The following FER1L6 variants were observed in gnomAD, a reference collection of about 807,000 sequenced individuals.
FER1L6 encodes fer-1 like family member 6.
Under a neutral mutation model 219.2 loss-of-function variants are expected in FER1L6, and 177 were observed. That is an observed-to-expected ratio of 0.81 (90% CI 0.71 to 0.91). The LOEUF is 0.91. Ranked by LOEUF, FER1L6 falls within the 40% of genes least tolerant of loss-of-function variation. FER1L6 has a pLI of 0.00. For missense variants in FER1L6, 2,153 were observed against 2,259.9 expected, an observed-to-expected ratio of 0.95 and a Z score of 0.96; for synonymous variants, 768 against 824.3, an observed-to-expected ratio of 0.93 and a Z score of 1.17.
chr8:123,912,378 C>T (rs1294863029), intron 1 of FER1L6, among the ~76,000 whole-genome samples: 1 of 152,134 alleles, frequency 6.6e-6, no homozygotes, highest in East Asian at 1.9e-4. Context: ...TTTGTAACCA[C>T]CACATACACC....
intron 6 of FER1L6, among the ~76,000 whole-genome samples, chr8:123,970,674 TGA>T (rs1815763819): frequency 6.6e-6 from 1 of 151,100 alleles, no homozygotes; most frequent in Non-Finnish European, 1.5e-5. Flanking sequence ...CTTGGGAAAT[TGA>T]GTCTGCTGCA....
intron 18 of FER1L6, among the ~76,000 whole-genome samples, 178 bp downstream of exon 18, chr8:124,023,774 G>A (rs998666707): frequency 2.6e-5 from 4 of 152,068 alleles, no homozygotes; most frequent in Admixed American, 2.6e-4. Context: ...CCACCTTTAG[G>A]TGGAATTTTT....
intron 32 of FER1L6, among the ~76,000 whole-genome samples, chr8:124,077,059 CCTGT>C (rs1326599328): frequency 1.3e-5 from 2 of 152,180 alleles, no homozygotes; most frequent in Non-Finnish European, 2.9e-5. Flanking sequence ...AGTTTGTGCA[CCTGT>C]CTGTCATTCA....
chr8:123,868,581 C>T (rs964991226), intron 1 of FER1L6, among the ~76,000 whole-genome samples: 1 of 152,108 alleles, frequency 6.6e-6, no homozygotes, highest in Admixed American at 6.6e-5. Context: ...TTTCTGCTGC[C>T]TGCTCACACT....
At chr8:123,985,365 T>C (rs902792819) in intron 11 of FER1L6, 3 of 152,404 alleles carry the variant, frequency 2.0e-5, no homozygotes, top group African/African-American at 7.2e-5. Context: ...ATACATATGA[T>C]TGCCCAATGC....
chr8:123,994,414 C>T (rs1235406484), intron 12 of FER1L6, among the ~76,000 whole-genome samples: 1 of 152,152 alleles, frequency 6.6e-6, no homozygotes, highest in Admixed American at 6.5e-5. Flanking sequence ...AGCACAGCTG[C>T]CTTTTCTGTA....
intron 20 of FER1L6, among the ~76,000 whole-genome samples, chr8:124,042,531 T>C (rs926455245): frequency 2.0e-5 from 3 of 152,230 alleles, no homozygotes; most frequent in African/African-American, 7.2e-5. Flanking sequence ...CCCAGGTTTG[T>C]CCAATTCCAG....
Position 124,070,579 on chromosome 8 carries a change from G to T in FER1L6, c.3947G>T (p.Arg1316Leu), listed in dbSNP as rs770709548. 6.3e-7 allele frequency: 1 copy of T among 1,588,480 alleles called. No homozygotes were observed. Among genetic ancestry groups the T allele is most frequent in the Non-Finnish European group, 8.5e-7 (1 of 1,171,464 alleles). The change falls in exon 30 of 41, where the codon CGA becomes CTA. Residue 1316 changes from arginine (R) to leucine (L), a missense_variant. Physicochemically the swap from Arg to Leu is moderately radical, Grantham distance 102. Transcript: ENST00000522917. The part of the protein sequence containing the change: ...TEDDHGLDGD[R>L]VIGKFKGSFC... Reference sequence around the variant, plus strand: ...GATGACCATGGTCTTGATGGAGACCGAGTCATAGGAAAATTTAAGGCAGGT... The same window carrying T: ...GATGACCATGGTCTTGATGGAGACCTAGTCATAGGAAAATTTAAGGCAGGT...
chr8:123,923,903 G>A (rs897243041), intron 1 of FER1L6, among the ~76,000 whole-genome samples: 6 of 138,642 alleles, frequency 4.3e-5, no homozygotes, highest in Admixed American at 7.9e-5. Context: ...TCACGCCCCC[G>A]CGCTCCAGCC....
In FER1L6 at chr8:123,980,329, G is replaced by A. The variant is rs557835454; in HGVS notation, c.1064-136G>A. The A allele has an allele frequency of 6.5e-5, 46 of 705,906 alleles. No individual in the cohort carries two copies. In the African/African-American group the frequency reaches 6.6e-4, roughly 10 times the overall value. The allele number at this position is 705,906 out of a possible 1,614,324, so 43.7% of individuals were successfully genotyped here. A position where few individuals can be genotyped will look rare whatever the true frequency, so the allele number is the denominator to read the frequency against. ...AAGGAAATATGGCAAGATGGCAATC[G>A]TTGTCTTTTGGTCATGGGATATCCT... On this transcript the variant is annotated intron_variant, in intron 10 of 40. Transcript: ENST00000522917.
intron 22 of FER1L6, among the ~76,000 whole-genome samples, chr8:124,055,177 G>C (rs1178848867): frequency 1.3e-5 from 2 of 152,224 alleles, no homozygotes; most frequent in South Asian, 4.1e-4. Context: ...GGTGGTTCAC[G>C]CCTGTAATCC....
chr8:123,934,396 G>A (rs1813902083), intron 1 of FER1L6, among the ~76,000 whole-genome samples: 1 of 117,866 alleles, frequency 8.5e-6, no homozygotes, highest in South Asian at 3.0e-4. Flanking sequence ...ATACAGGGCA[G>A]TTCTCCCAGT....
At chr8:123,856,346 A>ATG (rs1211333592) in intron 1 of FER1L6, among the ~76,000 whole-genome samples, 2 of 131,140 alleles carry the variant, frequency 1.5e-5, no homozygotes, top group Non-Finnish European at 3.2e-5. Flanking sequence ...ATATATATAT[A>ATG]TATTAGGGTC....
intron 13 of FER1L6, 102 bp from the exon 14 acceptor site, chr8:124,010,492 C>T: frequency 2.1e-6 from 3 of 1,397,972 alleles, no homozygotes; most frequent in Admixed American, 2.2e-5. Flanking sequence ...TTCATCATGC[C>T]TCCCGAGTCC....
chr8:124,036,146 C>T (rs1194675422), intron 19 of FER1L6: 1 of 152,174 alleles, frequency 6.6e-6, no homozygotes, highest in East Asian at 1.9e-4. Context: ...GTTTTACCTT[C>T]ATTTCTGCTG....
At chr8:123,976,736 C>A (rs115885443) in intron 9 of FER1L6, among the ~76,000 whole-genome samples, 1,528 of 152,292 alleles carry the variant, frequency 0.01, 23 homozygotes, top group African/African-American at 0.035. Flanking sequence ...ACAATCTCCC[C>A]AGGTAGTCCT....
In FER1L6 at chr8:124,017,728, A is replaced by T; in HGVS notation, c.2013+10A>T. The T allele has an allele frequency of 6.2e-7, 1 of 1,607,982 alleles. No homozygotes were observed. The highest frequency in any genetic ancestry group is 8.5e-7 in the Non-Finnish European group (1 of 1,174,778). On this transcript the variant is annotated intron_variant, in intron 16 of 40. Transcript: ENST00000522917. ...CTGCTGGCAGGAGCTGGTATGTGAA[A>T]ATCTATTTATACTTTGTGGACAGAG...
At chr8:123,864,493 C>T (rs1479607775) in intron 1 of FER1L6, among the ~76,000 whole-genome samples, 3 of 150,110 alleles carry the variant, frequency 2.0e-5, no homozygotes, top group African/African-American at 7.6e-5. Flanking sequence ...ATCTTTGTGG[C>T]GTTCTCTGTA....
intron 25 of FER1L6, among the ~76,000 whole-genome samples, chr8:124,062,829 A>G (rs555241863): frequency 6.6e-6 from 1 of 152,268 alleles, no homozygotes; most frequent in South Asian, 2.1e-4. Context: ...ATGTATTTTC[A>G]TTAATTAGCG....
Sources: gnomAD v4.1 joint callset for allele counts (sites outside exome capture counted in the v4.1 genomes callset) on GRCh38, gnomAD v4.1.1 for gene constraint, MANE v1.5 for transcripts, NCBI Gene and HGNC (gene_info 2026-07-23, HGNC 2026-07-21) for gene names.